The following UNC5D variants were observed in gnomAD, a reference collection of about 807,000 sequenced individuals.
UNC5D encodes the protein netrin receptor UNC5D.
A neutral mutation model predicts 105.4 loss-of-function variants in UNC5D; 39 were observed. That is an observed-to-expected ratio of 0.37 (90% CI 0.29 to 0.48). The LOEUF is 0.48. Among genes scored for constraint, UNC5D ranks in the 20% least tolerant of loss-of-function variants. The probability of loss-of-function intolerance (pLI) is 0.98; values close to 1 mark genes in which losing one functional copy is unlikely to be tolerated. For missense variants in UNC5D, 991 were observed against 1,202.4 expected, an observed-to-expected ratio of 0.82 and a Z score of 2.60; for synonymous variants, 452 against 450.4, an observed-to-expected ratio of 1.00 and a Z score of -0.04.
intron 3 of UNC5D, among the ~76,000 whole-genome samples, chr8:35,593,453 ACAAACAAAC>A (rs1054870920): frequency 2.0e-5 from 3 of 152,166 alleles, no homozygotes; most frequent in Non-Finnish European, 4.4e-5. Flanking sequence ...AACAAAAATA[ACAAACAAAC>A]CAAACAAAAG....
At chr8:35,544,507 G>T in intron 1 of UNC5D, 1 of 1,609,150 alleles carries the variant, frequency 6.2e-7, no homozygotes, top group Non-Finnish European at 8.5e-7. Context: ...CCGGGTTCCT[G>T]TTGGACTTTT....
chr8:35,780,853 G>A (rs1802472433), intron 16 of UNC5D, among the ~76,000 whole-genome samples: 1 of 152,164 alleles, frequency 6.6e-6, no homozygotes. Context: ...AGCTGACAAT[G>A]TCATTATATC....
At chr8:35,417,241 A>G (rs1332146636) in intron 1 of UNC5D, among the ~76,000 whole-genome samples, 1 of 141,176 alleles carries the variant, frequency 7.1e-6, no homozygotes, top group Non-Finnish European at 1.5e-5. Flanking sequence ...TCCCCACCCC[A>G]CTACCCTTCT....
chr8:35,432,264 C>G (rs983007489), intron 1 of UNC5D, among the ~76,000 whole-genome samples: 1 of 152,058 alleles, frequency 6.6e-6, no homozygotes, highest in African/African-American at 2.4e-5. Context: ...CATAGAAAAA[C>G]CTCTATTATT....
chr8:35,494,520 G>T (rs1811424171), intron 1 of UNC5D, among the ~76,000 whole-genome samples: 1 of 152,098 alleles, frequency 6.6e-6, no homozygotes, highest in Non-Finnish European at 1.5e-5. Flanking sequence ...TCATTTTACA[G>T]ATAGAAAATC....
At chr8:35,723,856 G>A (rs1352459168) in intron 9 of UNC5D, among the ~76,000 whole-genome samples, 1 of 152,112 alleles carries the variant, frequency 6.6e-6, no homozygotes, top group Non-Finnish European at 1.5e-5. Flanking sequence ...TTTGAAGTTA[G>A]ATTTTAGTCT....
intron 1 of UNC5D, among the ~76,000 whole-genome samples, chr8:35,428,569 G>A (rs969205192): frequency 6.6e-6 from 1 of 151,816 alleles, no homozygotes; most frequent in Non-Finnish European, 1.5e-5. Context: ...TTTCTTCTGT[G>A]CAGCATAAGA....
At chr8:35,746,704 A>G (rs1202699994) in intron 11 of UNC5D, among the ~76,000 whole-genome samples, 1 of 152,108 alleles carries the variant, frequency 6.6e-6, no homozygotes, top group Non-Finnish European at 1.5e-5. Context: ...TAATTCCCCA[A>G]ATTCCCATAT....
chr8:35,789,187 ATG>A (rs1554608552), intron 16 of UNC5D, among the ~76,000 whole-genome samples: 2 of 105,614 alleles, frequency 1.9e-5, no homozygotes, highest in African/African-American at 3.7e-5. Context: ...ATATATATAT[ATG>A]AGATAGGGAT....
At chr8:35,275,218 C>G (rs1038173459) in intron 1 of UNC5D, among the ~76,000 whole-genome samples, 2 of 151,868 alleles carry the variant, frequency 1.3e-5, no homozygotes, top group Non-Finnish European at 1.5e-5. Context: ...TTTGTGCTAC[C>G]TATTTTGACC....
chr8:35,758,778 T>G (rs1830626211), intron 13 of UNC5D, among the ~76,000 whole-genome samples: 1 of 152,238 alleles, frequency 6.6e-6, no homozygotes, highest in Admixed American at 6.5e-5. Context: ...GACCTTTTGG[T>G]ATAATAACTT....
intron 4 of UNC5D, among the ~76,000 whole-genome samples, chr8:35,612,733 T>TTG: frequency 6.9e-6 from 1 of 145,632 alleles, no homozygotes; most frequent in Middle Eastern, 3.4e-3. Flanking sequence ...CTTTTTTTTT[T>TTG]TTTTTTTTTT....
At chr8:35,418,186 C>T (rs1196937533) in intron 1 of UNC5D, among the ~76,000 whole-genome samples, 9 of 151,950 alleles carry the variant, frequency 5.9e-5, no homozygotes, top group Admixed American at 3.9e-4. Flanking sequence ...TCTTACTGCC[C>T]AGGGCTAAGG....
chr8:35,545,195 C>T (rs540419835), intron 1 of UNC5D, among the ~76,000 whole-genome samples: 1 of 152,330 alleles, frequency 6.6e-6, no homozygotes, highest in South Asian at 2.1e-4. Flanking sequence ...AGCATTCATG[C>T]AGTCTTGCAT....
chr8:35,577,809 C>T (rs1332735400), intron 3 of UNC5D, among the ~76,000 whole-genome samples: 1 of 152,106 alleles, frequency 6.6e-6, no homozygotes, highest in Non-Finnish European at 1.5e-5. Context: ...TCCTGTAGTA[C>T]ACCACTTTGA....
chr8:35,422,418 G>A (rs925068032), intron 1 of UNC5D, among the ~76,000 whole-genome samples: 2 of 152,188 alleles, frequency 1.3e-5, no homozygotes, highest in East Asian at 1.9e-4. Flanking sequence ...TCTCTAAAGG[G>A]ACAATATTCT....
chr8:35,573,330 C>T (rs2130808090), intron 3 of UNC5D, among the ~76,000 whole-genome samples: 1 of 152,270 alleles, frequency 6.6e-6, no homozygotes, highest in South Asian at 2.1e-4. Context: ...GTAGTCATGG[C>T]TACTCAGGAG....
intron 1 of UNC5D, among the ~76,000 whole-genome samples, chr8:35,305,577 T>TTTCTTTCTTTCTTTCTTTA (rs1808284926): frequency 1.9e-5 from 1 of 53,998 alleles, no homozygotes; most frequent in African/African-American, 6.6e-5. Context: ...CTTTCTTTCT[T>TTTCTTTCTTTCTTTCTTTA]TTTCTTTCTT....
intron 1 of UNC5D, among the ~76,000 whole-genome samples, chr8:35,365,540 A>G (rs1163473933): frequency 1.3e-5 from 2 of 149,260 alleles, no homozygotes; most frequent in Non-Finnish European, 3.0e-5. Context: ...GTTTTTGTCC[A>G]AAATTCTTTC....
Sources: allele counts gnomAD v4.1 joint callset (sites outside exome capture counted in the v4.1 genomes callset), GRCh38; gene constraint gnomAD v4.1.1; transcripts MANE v1.5; gene names NCBI Gene and HGNC (gene_info 2026-07-23, HGNC 2026-07-21).